The following SNTG1 variants were observed in gnomAD, a reference collection of about 807,000 sequenced individuals.
SNTG1 encodes syntrophin gamma 1, also known as gamma-1-syntrophin.
Under a neutral mutation model 74.7 loss-of-function variants are expected in SNTG1, and 39 were observed. The observed-to-expected ratio is 0.52, with a 90% CI of 0.40 to 0.68. SNTG1 has a LOEUF of 0.68. Ranked by LOEUF, SNTG1 falls within the 30% of genes least tolerant of loss-of-function variation. SNTG1 has a pLI of 0.00. For missense variants in SNTG1, 685 were observed against 609.5 expected (o/e 1.12, Z -1.30); for synonymous variants, 254 against 217.1 (o/e 1.17, Z -1.49).
At chr8:50,681,047 C>T (rs6987633) in intron 15 of SNTG1, among the ~76,000 whole-genome samples, 85,527 of 152,056 alleles carry the variant, frequency 0.56, 26,192 homozygotes, top group East Asian at 0.68. Flanking sequence ...TCATACTCAT[C>T]TCAACAAAAG....
intron 1 of SNTG1, among the ~76,000 whole-genome samples, chr8:49,969,977 T>C (rs889798882): frequency 6.6e-6 from 1 of 151,908 alleles, no homozygotes; most frequent in African/African-American, 2.4e-5. Flanking sequence ...TGAATCCTTA[T>C]AAAACAAGAC....
chr8:50,623,609 T>C (rs984659484), intron 13 of SNTG1, among the ~76,000 whole-genome samples: 3 of 152,106 alleles, frequency 2.0e-5, no homozygotes, highest in Non-Finnish European at 2.9e-5. Context: ...CAAACTATTA[T>C]TCTTCACATC....
At chr8:50,368,265 A>G (rs1261246864) in intron 2 of SNTG1, among the ~76,000 whole-genome samples, 1 of 152,140 alleles carries the variant, frequency 6.6e-6, no homozygotes, top group East Asian at 1.9e-4. Context: ...ATGTTTTGAG[A>G]AAAATAGCAC....
intron 2 of SNTG1, among the ~76,000 whole-genome samples, chr8:50,311,326 G>GT (rs1343996735): frequency 6.6e-6 from 1 of 152,116 alleles, no homozygotes; most frequent in Non-Finnish European, 1.5e-5. Flanking sequence ...TTTAGGAAAG[G>GT]TTATGTTCCG....
At chr8:49,958,951 AGT>A (rs774462900) in intron 1 of SNTG1, among the ~76,000 whole-genome samples, 1 of 152,352 alleles carries the variant, frequency 6.6e-6, no homozygotes, top group East Asian at 1.9e-4. Context: ...TGTGTTTGAA[AGT>A]GTGCTTTTAA....
chr8:50,285,542 C>A (rs965870121), intron 2 of SNTG1, among the ~76,000 whole-genome samples: 1 of 152,096 alleles, frequency 6.6e-6, no homozygotes, highest in African/African-American at 2.4e-5. Flanking sequence ...TTAGGAAATA[C>A]ACACTTAAAA....
chr8:50,051,780 G>A (rs1819596536), intron 1 of SNTG1, among the ~76,000 whole-genome samples: 1 of 152,046 alleles, frequency 6.6e-6, no homozygotes, highest in Admixed American at 6.6e-5. Flanking sequence ...GGACTAGGAA[G>A]TGACCCTACC....
At chr8:50,576,676 TCTTA>T (rs143044529) in intron 12 of SNTG1, among the ~76,000 whole-genome samples, 5,762 of 152,174 alleles carry the variant, frequency 0.038, 184 homozygotes, top group African/African-American at 0.078. Flanking sequence ...GCGTTTCACC[TCTTA>T]CTTAATTCCT....
At chr8:50,545,059 C>T (rs574097137) in intron 11 of SNTG1, among the ~76,000 whole-genome samples, 1 of 151,972 alleles carries the variant, frequency 6.6e-6, no homozygotes, top group South Asian at 2.1e-4. Context: ...TATAGTGCTG[C>T]CCATGATTAC....
chr8:50,465,175 G>A (rs1216976712), intron 8 of SNTG1, among the ~76,000 whole-genome samples: 1 of 151,950 alleles, frequency 6.6e-6, no homozygotes, highest in Non-Finnish European at 1.5e-5. Context: ...AAACACCACA[G>A]CCTCCTCCCC....
chr8:50,526,768 C>T (rs1417254798), intron 9 of SNTG1, among the ~76,000 whole-genome samples: 14 of 152,040 alleles, frequency 9.2e-5, no homozygotes, highest in African/African-American at 2.7e-4. Flanking sequence ...GGACTACAGG[C>T]GCTTGCCACC....
At chr8:50,077,548 T>C (rs557419454) in intron 1 of SNTG1, among the ~76,000 whole-genome samples, 13 of 152,328 alleles carry the variant, frequency 8.5e-5, no homozygotes, top group African/African-American at 2.9e-4. Context: ...AATATTTGTC[T>C]AATTTGTGCA....
At chr8:50,451,377 C>T (rs1014923378) in intron 8 of SNTG1, among the ~76,000 whole-genome samples, 2 of 152,042 alleles carry the variant, frequency 1.3e-5, no homozygotes, top group African/African-American at 4.8e-5. Context: ...TGGGGTCCTT[C>T]CTGGAACCAG....
In SNTG1 at chr8:50,221,356, TG is replaced by T. The variant is rs1020148165; in HGVS notation, c.-28+48723del. Among the ~76,000 whole-genome samples, 48 of 152,076 alleles carry T rather than the reference TG, an allele frequency of 3.2e-4. 1 individual carries two copies. Among genetic ancestry groups the T allele is most frequent in the African/African-American group, 1.1e-3 (46 of 41,496 alleles). On this transcript the variant is annotated intron_variant, in intron 2 of 18. Transcript: ENST00000642720. ...AAATAGTTACAATGGGGAATTAAAA[TG>T]GAAAACAAAGGCACAAGGGAGGGTT...
intron 15 of SNTG1, among the ~76,000 whole-genome samples, chr8:50,689,433 G>A (rs531237279): frequency 1.5e-4 from 23 of 152,230 alleles, no homozygotes; most frequent in African/African-American, 4.8e-4. Flanking sequence ...TCAATACCTA[G>A]TTTATTGAGA....
chr8:50,235,146 C>G (rs951415373), intron 2 of SNTG1, among the ~76,000 whole-genome samples: 2 of 152,140 alleles, frequency 1.3e-5, no homozygotes, highest in African/African-American at 2.4e-5. Flanking sequence ...TCAGCACTCT[C>G]ATGTTCATTG....
At chr8:50,210,299 A>G (rs1166186428) in intron 2 of SNTG1, among the ~76,000 whole-genome samples, 2 of 152,188 alleles carry the variant, frequency 1.3e-5, no homozygotes, top group Admixed American at 6.5e-5. Context: ...GTTGGAAAAC[A>G]CTCTTCAGGA....
chr8:50,020,978 T>C (rs1055772484), intron 1 of SNTG1, among the ~76,000 whole-genome samples: 5 of 152,164 alleles, frequency 3.3e-5, no homozygotes, highest in African/African-American at 9.6e-5. Context: ...ACAGGCCTGC[T>C]ACCTCAGAAT....
At chr8:50,545,242 TA>T (rs1164190462) in intron 11 of SNTG1, among the ~76,000 whole-genome samples, 1 of 151,656 alleles carries the variant, frequency 6.6e-6, no homozygotes, top group Non-Finnish European at 1.5e-5. Flanking sequence ...AACATCATGA[TA>T]TTTTTATCAG....
Sources: gnomAD v4.1 joint callset for allele counts (sites outside exome capture counted in the v4.1 genomes callset) on GRCh38, gnomAD v4.1.1 for gene constraint, MANE v1.5 for transcripts, NCBI Gene and HGNC (gene_info 2026-07-23, HGNC 2026-07-21) for gene names.